USP39: variants seen among roughly 807,000 people sequenced by gnomAD.
USP39 encodes the protein ubiquitin carboxyl-terminal hydrolase 39.
Under a neutral mutation model 66.4 loss-of-function variants are expected in USP39, and 38 were observed. That is an observed-to-expected ratio of 0.57 (90% CI 0.44 to 0.75). The LOEUF (loss-of-function observed/expected upper bound fraction) is 0.75. USP39 is among the 30% of genes least tolerant of loss of function. The pLI is 0.00. For synonymous variants in USP39, 303 were observed against 274.6 expected, an observed-to-expected ratio of 1.10 and a Z score of -1.02; for missense variants, 608 against 714.4, an observed-to-expected ratio of 0.85 and a Z score of 1.70.
chr2:85,607,057 C>T (rs1295306937), intron 1 of USP39: 1 of 152,126 alleles, frequency 6.6e-6, no homozygotes, highest in Non-Finnish European at 1.5e-5. Context: ...TCTTCCTTTA[C>T]TTAATAAGAA....
At chr2:85,633,230 G>T (rs368790945) in intron 6 of USP39, among the ~76,000 whole-genome samples, 8 of 151,750 alleles carry the variant, frequency 5.3e-5, no homozygotes, top group Non-Finnish European at 1.2e-4. Context: ...AAGCTATTCT[G>T]CCGCCTCAGC....
At chr2:85,609,005 C>T (rs1221051198), upstream of USP39, 2 of 1,614,128 alleles carry the variant, frequency 1.2e-6, no homozygotes, top group African/African-American at 2.7e-5. Context: ...GGGCTTCTCG[C>T]ATGGGTGGAT....
chr2:85,633,267 C>T (rs1558864517), intron 6 of USP39, among the ~76,000 whole-genome samples: 1 of 152,006 alleles, frequency 6.6e-6, no homozygotes. Context: ...ACTACAGGCA[C>T]CCACCACCAT....
intron 9 of USP39, among the ~76,000 whole-genome samples, chr2:85,640,621 T>A (rs35070220): frequency 0.23 from 25,643 of 111,050 alleles, 2,799 homozygotes; most frequent in Middle Eastern, 0.34. Context: ...ATATATATAT[T>A]TTTTTTTTCT....
At chr2:85,630,613 C>T in intron 5 of USP39, 108 bp from the exon 6 acceptor site, 1 of 1,062,958 alleles carries the variant, frequency 9.4e-7, no homozygotes, top group Non-Finnish European at 1.4e-6. Flanking sequence ...CTCTTTAAGG[C>T]CATCACAGGC....
chr2:85,636,449 C>G (rs1675781085), intron 7 of USP39, among the ~76,000 whole-genome samples: 1 of 152,276 alleles, frequency 6.6e-6, no homozygotes, highest in Non-Finnish European at 1.5e-5. Flanking sequence ...CATGTTCTTT[C>G]TGAATAGGCC....
At position 85,648,477 on chromosome 2, in the gene USP39, A is replaced by G. The variant is rs79195801; in HGVS notation, c.1651-284A>G. 2.2e-3 allele frequency among the ~76,000 whole-genome samples: 330 copies of G among 152,262 alleles called. 2 individuals are homozygous for G. Among genetic ancestry groups the G allele is most frequent in the African/African-American group, 7.5e-3 (313 of 41,554 alleles). On this transcript the variant is annotated intron_variant, in intron 12 of 12. Transcript: ENST00000323701. ...CATTGGATTGACCCATGGAGCACAG[A>G]GCATCTCTGTCTTCTCTTTATGTAA...
chr2:85,631,052 T>A, intron 6 of USP39, 106 bp downstream of exon 6: 1 of 1,029,948 alleles, frequency 9.7e-7, no homozygotes, highest in Non-Finnish European at 1.4e-6. Flanking sequence ...TCTCACTCTG[T>A]CACCCAGGCT....
rs762412562 is a variant in USP39, at chr2:85,616,477, G to C, written c.268+14G>C. The stretch of plus-strand genomic sequence containing the variant: ...GGGAGGTGCGAGGTGCGCGGGGCCG[G>C]GCCGGGCTAGGCGCGAGAGCCTGTT... On this transcript the variant is annotated intron_variant, in intron 1 of 12. Coordinates refer to ENST00000323701, the MANE Select transcript of USP39 (RefSeq NM_006590.4). 9.4e-6 allele frequency: 14 copies of C among 1,488,800 alleles called. No individual in the cohort carries two copies. In the African/African-American group the frequency reaches 1.9e-4, roughly 20 times the overall value. 92.2% of individuals were successfully genotyped at this position (1,488,800 alleles called of 1,614,324 possible).
chr2:85,604,948 C>T (rs1358537715), intron 1 of USP39, among the ~76,000 whole-genome samples: 1 of 152,144 alleles, frequency 6.6e-6, no homozygotes, highest in Non-Finnish European at 1.5e-5. Context: ...TCTAATAGTT[C>T]CTAAAATAGA....
In USP39 at chr2:85,635,539, G is replaced by A. The variant is rs201379358; in HGVS notation, c.950-514G>A. On this transcript the variant is annotated intron_variant, in intron 6 of 12. Transcript: ENST00000323701. ...CATGCCACTGCACTCCAGCCTGGGC[G>A]ACAGAGTGAGACTCTGTCTCAAAAA... 3.3e-5 allele frequency among the ~76,000 whole-genome samples: 5 copies of A among 151,890 alleles called. No individual in the cohort carries two copies. In the East Asian group the frequency reaches 7.7e-4, roughly 23 times the overall value.
chr2:85,621,424 T>G (rs1216377674), intron 2 of USP39, 61 bp from the exon 3 acceptor site: 2 of 1,457,300 alleles, frequency 1.4e-6, no homozygotes, highest in Non-Finnish European at 1.9e-6. Context: ...CCAGCACTGC[T>G]TCATTTGCGT....
Position 85,616,265 on chromosome 2 carries a change from A to G in USP39, c.70A>G (p.Ser24Gly), listed in dbSNP as rs1364524402. Residue 24 changes from serine to glycine, a missense_variant, in exon 1 of 13, where the codon AGC becomes GGC. This residue lies in a region of USP39 where 207 missense variants were observed against 145.7 expected (regional missense o/e 1.42). Coordinates refer to ENST00000323701, the MANE Select transcript of USP39 (RefSeq NM_006590.4). The part of the protein sequence containing the change: ...RGKRESESRG[S>G]SGRVKRERDR... ...GAAGCGAGAGTCTGAGTCGCGGGGC[A>G]GCTCCGGTCGCGTCAAGCGGGAGCG... 2 of 1,535,324 alleles carry G rather than the reference A, an allele frequency of 1.3e-6. No homozygotes were observed. The highest frequency in any genetic ancestry group is 2.5e-5 in the South Asian group (2 of 81,030).
chr2:85,631,032 T>C, intron 6 of USP39, 86 bp downstream of exon 6: 1 of 1,263,882 alleles, frequency 7.9e-7, no homozygotes, highest in Non-Finnish European at 1.1e-6. Context: ...TTTTTTTTTT[T>C]GAGATGGAGT....
At chr2:85,610,768 T>G (rs939918663), upstream of USP39, 3 of 150,874 alleles carry the variant, frequency 2.0e-5, no homozygotes, top group African/African-American at 4.9e-5. Context: ...CTCTTTTTTT[T>G]TTTTTTTTGA....
At chr2:85,636,271 C>G (rs4416212) in intron 7 of USP39, 141 bp downstream of exon 7, 1 of 707,820 alleles carries the variant, frequency 1.4e-6, no homozygotes, top group South Asian at 1.8e-5. Context: ...AGTTTGAGAC[C>G]GGCCTGGCCA....
At chr2:85,618,855 C>T (rs142937583) in intron 1 of USP39, among the ~76,000 whole-genome samples, 2 of 152,006 alleles carry the variant, frequency 1.3e-5, no homozygotes, top group African/African-American at 4.8e-5. Flanking sequence ...CTGCAACCGC[C>T]TTCTCCCAGG....
intron 6 of USP39, among the ~76,000 whole-genome samples, chr2:85,635,657 G>A (rs1377799608): frequency 6.6e-6 from 1 of 152,278 alleles, no homozygotes; most frequent in East Asian, 1.9e-4. Flanking sequence ...AGAACCCCTT[G>A]TTCTGTATGC....
chr2:85,631,035 G>C lies in USP39; in HGVS notation c.949+89G>C, dbSNP rs111731781. 3.6e-4 allele frequency: 445 copies of C among 1,247,386 alleles called. 3 individuals are homozygous for C. The African/African-American group carries it at 5.2e-3, about 15-fold the overall frequency. The allele number at this position is 1,247,386 out of a possible 1,614,324, so 77.3% of individuals were successfully genotyped here. Reference sequence around the variant, plus strand: ...CTTGGCAGTGAATTTTTTTTTTTGAGATGGAGTCTCACTCTGTCACCCAGG... The same window carrying C: ...CTTGGCAGTGAATTTTTTTTTTTGACATGGAGTCTCACTCTGTCACCCAGG... On this transcript the variant is annotated intron_variant, in intron 6 of 12. Coordinates refer to ENST00000323701, the MANE Select transcript of USP39 (RefSeq NM_006590.4).
Sources: gnomAD v4.1 joint callset for allele counts (sites outside exome capture counted in the v4.1 genomes callset) on GRCh38, gnomAD v4.1.1 for gene constraint, gnomAD v4.1.1 regional missense constraint, MANE v1.5 for transcripts, NCBI Gene and HGNC (gene_info 2026-07-23, HGNC 2026-07-21) for gene names.